The following SPAG16 variants were observed in gnomAD, a reference collection of about 807,000 sequenced individuals.
The protein encoded by SPAG16 is sperm-associated antigen 16 protein.
SPAG16 carries 86 observed loss-of-function variants against 80.4 expected under a neutral mutation model. That is an observed-to-expected ratio of 1.07 (90% CI 0.90 to 1.28). SPAG16 has a LOEUF of 1.28. Ranked by LOEUF, SPAG16 falls within the 50% of genes most tolerant of loss-of-function variation. The pLI is 0.00. For synonymous variants in SPAG16, 294 were observed against 265.9 expected (o/e 1.11, Z -1.03); for missense variants, 870 against 765.3 (o/e 1.14, Z -1.61).
intron 15 of SPAG16, among the ~76,000 whole-genome samples, chr2:214,264,832 C>G (rs966949519): frequency 1.1e-4 from 16 of 151,970 alleles, no homozygotes; most frequent in African/African-American, 2.9e-4. Context: ...TTTACTGTCT[C>G]TATATTTTTG....
chr2:213,397,973 C>T (rs2068124789), intron 9 of SPAG16, among the ~76,000 whole-genome samples: 1 of 152,116 alleles, frequency 6.6e-6, no homozygotes, highest in South Asian at 2.1e-4. Context: ...CAATTATCTC[C>T]CCTTCCATGT....
intron 13 of SPAG16, among the ~76,000 whole-genome samples, chr2:214,040,102 T>C (rs1374750235): frequency 1.3e-5 from 2 of 152,202 alleles, no homozygotes; most frequent in African/African-American, 4.8e-5. Context: ...GCTTAGCTTC[T>C]GCAATAGTGA....
At chr2:214,076,269 A>G (rs961624584) in intron 13 of SPAG16, among the ~76,000 whole-genome samples, 1 of 152,166 alleles carries the variant, frequency 6.6e-6, no homozygotes, top group Non-Finnish European at 1.5e-5. Flanking sequence ...CTACTTGAAG[A>G]CACAACACCT....
intron 12 of SPAG16, among the ~76,000 whole-genome samples, chr2:213,974,965 A>AG (rs200114669): frequency 6.9e-6 from 1 of 145,160 alleles, no homozygotes; most frequent in African/African-American, 2.8e-5. Context: ...AAAAAAAAAA[A>AG]CACAAAATGT....
At chr2:213,322,074 A>G (rs1419265453) in intron 5 of SPAG16, among the ~76,000 whole-genome samples, 3 of 150,750 alleles carry the variant, frequency 2.0e-5, no homozygotes, top group African/African-American at 7.3e-5. Flanking sequence ...AAAGTATAAT[A>G]AAAATAAATA....
intron 9 of SPAG16, among the ~76,000 whole-genome samples, chr2:213,416,490 G>A (rs1490145143): frequency 6.6e-6 from 1 of 152,122 alleles, no homozygotes; most frequent in Non-Finnish European, 1.5e-5. Flanking sequence ...ACTCTTGGTG[G>A]TGTGAATACA....
At chr2:214,345,236 CT>C (rs60966370) in intron 15 of SPAG16, among the ~76,000 whole-genome samples, 3 of 152,054 alleles carry the variant, frequency 2.0e-5, no homozygotes, top group Admixed American at 2.0e-4. Context: ...TTTGCAAAGA[CT>C]TTGTTGAAAT....
chr2:213,761,765 C>A (rs1309304815), intron 10 of SPAG16, among the ~76,000 whole-genome samples: 3 of 151,980 alleles, frequency 2.0e-5, no homozygotes, highest in Admixed American at 6.6e-5. Context: ...ACTCAGGAGG[C>A]TGAGGCAGGA....
At chr2:213,970,446 C>T (rs145878472) in intron 12 of SPAG16, among the ~76,000 whole-genome samples, 178 of 152,128 alleles carry the variant, frequency 1.2e-3, no homozygotes, top group Middle Eastern at 3.4e-3. Context: ...GGACTACAGG[C>T]GCCCACCACA....
At chr2:214,263,209 C>A (rs1222165214) in intron 15 of SPAG16, among the ~76,000 whole-genome samples, 1 of 152,098 alleles carries the variant, frequency 6.6e-6, no homozygotes, top group African/African-American at 2.4e-5. Flanking sequence ...GAATGGTTCA[C>A]TGAGGGCACA....
intron 5 of SPAG16, 60 bp from the exon 6 acceptor site, chr2:213,340,103 C>A: frequency 9.1e-7 from 1 of 1,096,238 alleles, no homozygotes; most frequent in Non-Finnish European, 1.4e-6. Flanking sequence ...GAACTCAAGA[C>A]TAAATAATTT....
intron 9 of SPAG16, among the ~76,000 whole-genome samples, chr2:213,391,532 C>G (rs1304609396): frequency 6.6e-6 from 1 of 152,090 alleles, no homozygotes; most frequent in Non-Finnish European, 1.5e-5. Flanking sequence ...GTTTCCATCT[C>G]TATAAACTGG....
chr2:213,710,177 G>A (rs897952682), intron 10 of SPAG16, among the ~76,000 whole-genome samples: 18 of 151,836 alleles, frequency 1.2e-4, no homozygotes, highest in Non-Finnish European at 2.4e-4. Flanking sequence ...TCAGCTACTC[G>A]GGAGGCTGAG....
chr2:213,770,016 C>T (rs2069154018), intron 10 of SPAG16, among the ~76,000 whole-genome samples: 1 of 152,026 alleles, frequency 6.6e-6, no homozygotes. Context: ...CTGTTTTGTC[C>T]CTGGCTTCTT....
At chr2:214,074,269 C>A (rs929496339) in intron 13 of SPAG16, among the ~76,000 whole-genome samples, 1 of 152,134 alleles carries the variant, frequency 6.6e-6, no homozygotes, top group African/African-American at 2.4e-5. Flanking sequence ...CTATGGTATT[C>A]TGTCACGGAA....
chr2:213,431,922 A>G (rs1458973508), intron 9 of SPAG16, among the ~76,000 whole-genome samples: 1 of 152,136 alleles, frequency 6.6e-6, no homozygotes, highest in Non-Finnish European at 1.5e-5. Flanking sequence ...TAGTAAAATG[A>G]AACTAGAAGT....
At chr2:214,184,664 G>T (rs2057413418) in intron 15 of SPAG16, among the ~76,000 whole-genome samples, 1 of 152,022 alleles carries the variant, frequency 6.6e-6, no homozygotes, top group Non-Finnish European at 1.5e-5. Flanking sequence ...TTGCCTGATA[G>T]CTCGCAGACA....
intron 12 of SPAG16, among the ~76,000 whole-genome samples, chr2:214,005,745 A>G (rs75666304): frequency 0.025 from 3,868 of 152,322 alleles, 162 homozygotes; most frequent in African/African-American, 0.089. Context: ...TTATAAAAGT[A>G]TTCTTGACTT....
chr2:214,085,220 T>C (rs2051643339), intron 13 of SPAG16, among the ~76,000 whole-genome samples: 1 of 151,688 alleles, frequency 6.6e-6, no homozygotes, highest in African/African-American at 2.4e-5. Context: ...AAAAGACTTA[T>C]AATTAGCCAG....
Sources: gnomAD v4.1 joint callset for allele counts (sites outside exome capture counted in the v4.1 genomes callset) on GRCh38, gnomAD v4.1.1 for gene constraint, MANE v1.5 for transcripts, NCBI Gene and HGNC (gene_info 2026-07-23, HGNC 2026-07-21) for gene names.